The following LTBP1 variants were observed in gnomAD, a reference collection of about 807,000 sequenced individuals.
LTBP1 encodes the protein latent-transforming growth factor beta-binding protein 1.
A neutral mutation model predicts 207.6 loss-of-function variants in LTBP1; 129 were observed. The observed-to-expected ratio is 0.62, with a 90% CI of 0.54 to 0.72. The LOEUF is 0.72. Among genes scored for constraint, LTBP1 ranks in the 30% least tolerant of loss-of-function variants. The pLI is 0.00. For synonymous variants in LTBP1, 963 were observed against 833.7 expected (o/e 1.16, Z -2.67); for missense variants, 2,281 against 2,217.2 (o/e 1.03, Z -0.58).
chr2:33,192,246 G>A (rs751656991), intron 7 of LTBP1, among the ~76,000 whole-genome samples: 5 of 152,148 alleles, frequency 3.3e-5, no homozygotes, highest in African/African-American at 9.7e-5. Context: ...CAAGGTCAGC[G>A]TGTCAGGAAG....
At chr2:33,004,766 C>G (rs1686532047) in intron 2 of LTBP1, among the ~76,000 whole-genome samples, 1 of 70,262 alleles carries the variant, frequency 1.4e-5, no homozygotes, top group South Asian at 7.1e-4. Flanking sequence ...CAGAGTGAGC[C>G]TCAGTCTCAA....
At chr2:32,975,128 C>T (rs553093341) in intron 2 of LTBP1, among the ~76,000 whole-genome samples, 4 of 152,218 alleles carry the variant, frequency 2.6e-5, no homozygotes, top group East Asian at 3.9e-4. Flanking sequence ...TTCTTCTTTG[C>T]GTATGATGCA....
chr2:33,310,876 A>T (rs537230652), intron 23 of LTBP1, among the ~76,000 whole-genome samples: 1 of 152,024 alleles, frequency 6.6e-6, no homozygotes, highest in South Asian at 2.1e-4. Flanking sequence ...CACTTATTTT[A>T]CCTTTATATC....
At chr2:32,990,198 T>G (rs13027033) in intron 2 of LTBP1, among the ~76,000 whole-genome samples, 11,730 of 152,272 alleles carry the variant, frequency 0.077, 535 homozygotes, top group South Asian at 0.19. Context: ...TCTATCGATA[T>G]TCCATGCATA....
At position 33,134,886 on chromosome 2, in the gene LTBP1, AG is replaced by A; in HGVS notation, c.1131del (p.Asn378ThrfsTer16). 6.2e-7 allele frequency: 1 copy of A among 1,614,092 alleles called. No individual in the cohort carries two copies. The highest frequency in any genetic ancestry group is 8.5e-7 in the Non-Finnish European group (1 of 1,180,008). ...TKGSCQNSCE[K>X]GNTTTLISEN... is the part of the protein sequence containing the mutation. ...GGCAGCTGTCAGAACAGCTGTGAGA[AG>A]GGGAACACCACCACTCTCATTAGTG... is the stretch of plus-strand genomic sequence containing the variant. On this transcript the variant is annotated frameshift_variant, in exon 5 of 34. Coordinates refer to ENST00000404816, the MANE Select transcript of LTBP1 (RefSeq NM_206943.4). LOFTEE classifies it high-confidence loss of function. The surrounding 1 kb of genome is among the most constrained non-coding windows in gnomAD (Gnocchi z 4.4).
chr2:33,320,312 T>G (rs2094335701), intron 24 of LTBP1, among the ~76,000 whole-genome samples: 1 of 149,490 alleles, frequency 6.7e-6, no homozygotes, highest in Non-Finnish European at 1.5e-5. Context: ...GAAGTTGCAG[T>G]GAGCCAAGGT....
chr2:33,203,750 C>G (rs1156693522), intron 7 of LTBP1, among the ~76,000 whole-genome samples: 1 of 152,086 alleles, frequency 6.6e-6, no homozygotes, highest in Non-Finnish European at 1.5e-5. Flanking sequence ...ACTCCTGTTC[C>G]TACATAGGAA....
At chr2:33,080,990 C>T (rs750065696) in intron 3 of LTBP1, among the ~76,000 whole-genome samples, 3 of 152,138 alleles carry the variant, frequency 2.0e-5, no homozygotes, top group Non-Finnish European at 2.9e-5. Context: ...GACATGGGAG[C>T]TTTCAGAAGT....
chr2:32,976,045 T>A (rs1220683184), intron 2 of LTBP1, among the ~76,000 whole-genome samples: 1 of 152,204 alleles, frequency 6.6e-6, no homozygotes, highest in African/African-American at 2.4e-5. Context: ...ATTCCTTTAA[T>A]CTTTGAAATT....
intron 8 of LTBP1, among the ~76,000 whole-genome samples, chr2:33,219,013 C>T (rs147339850): frequency 6.6e-6 from 1 of 152,080 alleles, no homozygotes; most frequent in Admixed American, 6.5e-5. Context: ...ATTATTTGTT[C>T]TTCTACCAGT....
At chr2:33,188,491 T>G in intron 6 of LTBP1, 86 bp from the exon 7 acceptor site, 2 of 1,123,372 alleles carry the variant, frequency 1.8e-6, no homozygotes, top group Non-Finnish European at 2.5e-6. Context: ...CATGCATGTT[T>G]ATAAAATTTA....
chr2:33,317,775 C>T (rs1303210002), intron 24 of LTBP1: 2 of 152,210 alleles, frequency 1.3e-5, no homozygotes, highest in Non-Finnish European at 2.9e-5. Flanking sequence ...ATAACTCCCA[C>T]ATAGCTGAAG....
In LTBP1 at chr2:33,115,770, T is replaced by C. The variant is rs574927341; in HGVS notation, c.1033+5019T>C. On this transcript the variant is annotated intron_variant, in intron 4 of 33. Coordinates refer to ENST00000404816, the MANE Select transcript of LTBP1 (RefSeq NM_206943.4). Reference sequence around the variant, plus strand: ...AAGAAAATGGAAATGACATAACATTTGGAAGACCATCTTATAAAAATGGTC... The same window carrying C: ...AAGAAAATGGAAATGACATAACATTCGGAAGACCATCTTATAAAAATGGTC... Among the ~76,000 whole-genome samples the C allele has an allele frequency of 2.0e-5, 3 of 152,274 alleles. No individual in the cohort carries two copies. In the East Asian group the frequency reaches 5.8e-4, roughly 29 times the overall value.
At chr2:33,309,987 A>T (rs1469065732) in intron 23 of LTBP1, among the ~76,000 whole-genome samples, 2 of 139,418 alleles carry the variant, frequency 1.4e-5, no homozygotes, top group African/African-American at 5.3e-5. Context: ...CGCTCTTGTC[A>T]CCCAGGTTGG....
At chr2:33,166,899 A>C (rs2148299749) in intron 5 of LTBP1, among the ~76,000 whole-genome samples, 1 of 152,334 alleles carries the variant, frequency 6.6e-6, no homozygotes, top group South Asian at 2.1e-4. Context: ...AGCAGTGTGC[A>C]GTAGAAACTC....
At chr2:33,302,124 A>T (rs947327699) in intron 22 of LTBP1, among the ~76,000 whole-genome samples, 1 of 152,082 alleles carries the variant, frequency 6.6e-6, no homozygotes, top group South Asian at 2.1e-4. Context: ...CACTTTCACT[A>T]CTTGTTTGGC....
At chr2:33,213,422 C>T (rs1400382288) in intron 7 of LTBP1, among the ~76,000 whole-genome samples, 3 of 152,148 alleles carry the variant, frequency 2.0e-5, no homozygotes, top group Non-Finnish European at 2.9e-5. Context: ...ATATAGTTAG[C>T]GTGAGCCTAT....
intron 3 of LTBP1, among the ~76,000 whole-genome samples, chr2:33,093,055 C>T (rs915243561): frequency 6.6e-6 from 1 of 152,156 alleles, no homozygotes; most frequent in African/African-American, 2.4e-5. Flanking sequence ...GAGACCACCC[C>T]ACAGAGCATC....
chr2:33,044,797 T>C (rs904701941), intron 3 of LTBP1, among the ~76,000 whole-genome samples: 3 of 152,206 alleles, frequency 2.0e-5, no homozygotes, highest in Non-Finnish European at 1.5e-5. Context: ...TTTTTAATGA[T>C]TGCCATTCTA....
Sources: gnomAD v4.1 joint callset for allele counts (sites outside exome capture counted in the v4.1 genomes callset) on GRCh38, gnomAD v4.1.1 for gene constraint, Gnocchi (gnomAD v3.1) non-coding constraint, MANE v1.5 for transcripts, NCBI Gene and HGNC (gene_info 2026-07-23, HGNC 2026-07-21) for gene names.